MED12L: variants seen among roughly 807,000 people sequenced by gnomAD.
The protein encoded by MED12L is mediator complex subunit 12L, also known as mediator of RNA polymerase II transcription subunit 12-like protein.
In MED12L, 60 loss-of-function variants were observed where a neutral mutation model predicts 281.3. The ratio of observed to expected loss-of-function variants is 0.21; its 90% CI spans 0.17 to 0.26. The LOEUF is 0.26. Among genes scored for constraint, MED12L ranks in the 10% least tolerant of loss-of-function variants. The pLI is 1.00. For synonymous variants in MED12L, 974 were observed against 987.2 expected (o/e 0.99, Z 0.25); for missense variants, 2,146 against 2,680.9 (o/e 0.80, Z 4.41).
intron 23 of MED12L, among the ~76,000 whole-genome samples, chr3:151,366,591 C>G (rs1361966118): frequency 1.3e-5 from 2 of 152,126 alleles, no homozygotes; most frequent in Admixed American, 1.3e-4. Context: ...TGTCTTGATT[C>G]TTTACTTCTC....
intron 16 of MED12L, among the ~76,000 whole-genome samples, chr3:151,347,853 A>G (rs1752719140): frequency 6.6e-6 from 1 of 152,132 alleles, no homozygotes; most frequent in Non-Finnish European, 1.5e-5. Context: ...GAGGTTTAGA[A>G]AGGTTTATTA....
intron 5 of MED12L, among the ~76,000 whole-genome samples, chr3:151,141,998 C>T (rs944402535): frequency 6.6e-6 from 1 of 152,088 alleles, no homozygotes; most frequent in South Asian, 2.1e-4. Context: ...GGTTCCCTAC[C>T]CTCTTTATGG....
chr3:151,156,313 G>A lies in MED12L; in HGVS notation c.709G>A (p.Ala237Thr). Residue 237 changes from alanine (A) to threonine (T), a missense_variant, in exon 6 of 45, where the codon GCA (alanine) becomes ACA (threonine). Ala to Thr is a moderately conservative substitution (Grantham distance 58). This residue lies in a region of MED12L where 722 missense variants were observed against 861.2 expected (regional missense o/e 0.84). Coordinates refer to ENST00000687756, the MANE Select transcript of MED12L (RefSeq NM_001393769.1). Reference protein sequence around the residue: ...MKQWEYNEKLAFHMFQEGMLE... With the variant: ...MKQWEYNEKLTFHMFQEGMLE... ...GCAATGGGAATACAACGAAAAGCTA[G>A]CATTTCACATGTTCCAGGTAACCTT... is the stretch of plus-strand genomic sequence containing the variant. 6.2e-7 allele frequency: 1 copy of A among 1,608,086 alleles called. No individual in the cohort carries two copies. Among genetic ancestry groups the A allele is most frequent in the Non-Finnish European group, 8.5e-7 (1 of 1,177,640 alleles).
At chr3:151,128,601 G>T (rs1377760287) in intron 5 of MED12L, among the ~76,000 whole-genome samples, 4 of 151,994 alleles carry the variant, frequency 2.6e-5, no homozygotes, top group Non-Finnish European at 5.9e-5. Flanking sequence ...GTTGTACTTG[G>T]TTGGTCTTCT....
At chr3:151,199,871 G>A (rs1725279185) in intron 16 of MED12L, among the ~76,000 whole-genome samples, 1 of 151,996 alleles carries the variant, frequency 6.6e-6, no homozygotes, top group South Asian at 2.1e-4. Flanking sequence ...ATAGATTCAT[G>A]TGGCTCCTAA....
rs1553775156 is a variant in MED12L, at chr3:151,309,141, G to GCACA, written c.2251-40903_2251-40900dup. 4.7e-3 allele frequency among the ~76,000 whole-genome samples: 697 copies of GCACA among 147,586 alleles called. 1 individual carries two copies. Among genetic ancestry groups the GCACA allele is most frequent in the Non-Finnish European group, 5.9e-3 (396 of 66,606 alleles). On this transcript the variant is annotated intron_variant, in intron 16 of 44. Coordinates refer to ENST00000687756, the MANE Select transcript of MED12L (RefSeq NM_001393769.1). ...CACGCACACACACACACACACACACGCACACACACACACACACAACGTTTC... is the reference window on the plus strand; with the variant it reads ...CACGCACACACACACACACACACACGCACACACACACACACACACACAACGTTTC...
At chr3:151,165,357 C>G in intron 9 of MED12L, 63 bp from the exon 10 acceptor site, 1 of 1,338,154 alleles carries the variant, frequency 7.5e-7, no homozygotes, top group Non-Finnish European at 1.1e-6. Flanking sequence ...AAAAACCTGA[C>G]ATGATTTAGA....
chr3:151,131,217 C>T (rs1715346289), intron 5 of MED12L, among the ~76,000 whole-genome samples: 1 of 152,010 alleles, frequency 6.6e-6, no homozygotes, highest in Non-Finnish European at 1.5e-5. Flanking sequence ...TCCTGATGTT[C>T]AATTTAATCT....
intron 5 of MED12L, among the ~76,000 whole-genome samples, chr3:151,133,916 G>A (rs997807510): frequency 1.3e-5 from 2 of 152,180 alleles, no homozygotes; most frequent in East Asian, 3.8e-4. Context: ...ACGGAATTTT[G>A]TACATTTATT....
chr3:151,193,092 T>C (rs972626883), intron 15 of MED12L, among the ~76,000 whole-genome samples: 2 of 152,174 alleles, frequency 1.3e-5, no homozygotes, highest in Admixed American at 1.3e-4. Flanking sequence ...TAAAAAAAAA[T>C]TGTTTGGAGT....
intron 6 of MED12L, among the ~76,000 whole-genome samples, chr3:151,157,790 T>C (rs1232913010): frequency 6.6e-6 from 1 of 152,218 alleles, no homozygotes; most frequent in Non-Finnish European, 1.5e-5. Context: ...GGAACACTGG[T>C]AATACATAAC....
intron 16 of MED12L, among the ~76,000 whole-genome samples, chr3:151,239,014 T>A (rs879262546): frequency 2.0e-5 from 3 of 152,202 alleles, no homozygotes; most frequent in Non-Finnish European, 4.4e-5. Flanking sequence ...AATTCAAGCT[T>A]TCAAACTGAA....
intron 43 of MED12L, among the ~76,000 whole-genome samples, chr3:151,420,958 T>G (rs764201844): frequency 1.2e-4 from 19 of 152,176 alleles, no homozygotes; most frequent in Non-Finnish European, 4.4e-5. Context: ...AAGTCCAATA[T>G]AATCAACCTG....
At chr3:151,285,419 C>T (rs779563298) in intron 16 of MED12L, among the ~76,000 whole-genome samples, 12 of 151,782 alleles carry the variant, frequency 7.9e-5, no homozygotes, top group Non-Finnish European at 1.5e-4. Context: ...ACCCAGGAGG[C>T]GGAGCTTGCA....
intron 23 of MED12L, among the ~76,000 whole-genome samples, chr3:151,367,122 T>G (rs1276502354): frequency 6.6e-6 from 1 of 152,180 alleles, no homozygotes; most frequent in African/African-American, 2.4e-5. Context: ...CTGTCCTTTT[T>G]CTTCTTTTTA....
At chr3:151,275,644 A>G (rs926182677) in intron 16 of MED12L, among the ~76,000 whole-genome samples, 4 of 152,340 alleles carry the variant, frequency 2.6e-5, no homozygotes, top group Non-Finnish European at 5.9e-5. Context: ...AATAGCATTC[A>G]TTAATTACTA....
chr3:151,227,309 G>C (rs548837186), intron 16 of MED12L, among the ~76,000 whole-genome samples: 173 of 152,198 alleles, frequency 1.1e-3, no homozygotes, highest in Non-Finnish European at 1.7e-3. Context: ...GCCCTCTCTT[G>C]ATTCCCTCTT....
intron 8 of MED12L, among the ~76,000 whole-genome samples, chr3:151,161,536 T>G (rs1054615680): frequency 5.9e-5 from 9 of 151,516 alleles, no homozygotes; most frequent in African/African-American, 1.7e-4. Context: ...AGGGGGAGAG[T>G]ATTGTTGCCC....
intron 5 of MED12L, among the ~76,000 whole-genome samples, chr3:151,154,494 A>G (rs769606115): frequency 6.6e-6 from 1 of 152,138 alleles, no homozygotes; most frequent in African/African-American, 2.4e-5. Flanking sequence ...ATGAACGCGT[A>G]TTTCTCCTAT....
Sources: allele counts gnomAD v4.1 joint callset (sites outside exome capture counted in the v4.1 genomes callset), GRCh38; gene constraint gnomAD v4.1.1; regional missense constraint gnomAD v4.1.1; transcripts MANE v1.5; gene names NCBI Gene and HGNC (gene_info 2026-07-23, HGNC 2026-07-21).